Variants in ARHGEF15 observed in about 807,000 individuals in gnomAD.
ARHGEF15 encodes the protein Rho guanine nucleotide exchange factor 15, also known as Rho guanine nucleotide exchange factor (GEF) 15.
ARHGEF15 carries 58 observed loss-of-function variants against 79.7 expected under a neutral mutation model. The observed-to-expected ratio is 0.73, with a 90% CI of 0.59 to 0.91. The LOEUF is 0.91. Among genes scored for constraint, ARHGEF15 ranks in the 40% least tolerant of loss-of-function variants. The pLI is 0.00. For missense variants in ARHGEF15, 1,012 were observed against 1,108.1 expected (o/e 0.91, Z 1.23); for synonymous variants, 442 against 456.0 (o/e 0.97, Z 0.39).
In ARHGEF15 at chr17:8,319,412, G is replaced by A. The variant is rs775526431; in HGVS notation, c.2269+18G>A. ...GGACTGTGGTGAGTATCCCCCTAGAGGGGATGAGGGAAGAAAAAGCGAGTC... is the reference window on the plus strand; with the variant it reads ...GGACTGTGGTGAGTATCCCCCTAGAAGGGATGAGGGAAGAAAAAGCGAGTC... On this transcript the variant is annotated intron_variant, in intron 14 of 15. Transcript: ENST00000361926. 1 of 1,605,100 alleles carries A rather than the reference G, an allele frequency of 6.2e-7. No homozygotes were observed. Among genetic ancestry groups the A allele is most frequent in the South Asian group, 1.1e-5 (1 of 89,826 alleles).
chr17:8,312,707 A>T (rs1446515512), intron 2 of ARHGEF15, 67 bp downstream of exon 2: 2 of 1,607,812 alleles, frequency 1.2e-6, no homozygotes, highest in African/African-American at 2.7e-5. Context: ...TTCAGTGCTA[A>T]CAACTTTCAG....
In ARHGEF15 at chr17:8,312,288, C is replaced by T. The variant is rs1305494302; in HGVS notation, c.249C>T (p.Ala83=). 6.6e-7 allele frequency: 1 copy of T among 1,526,166 alleles called. No homozygotes were observed. The allele number at this position is 1,526,166 out of a possible 1,614,324, so 94.5% of individuals were successfully genotyped here. The change falls in exon 2 of 16, where the codon GCC becomes GCT. Residue 83 remains alanine (A), a synonymous_variant. Coordinates refer to ENST00000361926, the MANE Select transcript of ARHGEF15 (RefSeq NM_173728.4). ...PALLPPSASR[A]SLDSQTSPDS... is the part of the protein sequence containing the mutation. Reference sequence around the variant, plus strand: ...TTTTGCCCCCCTCAGCTTCTAGAGCCAGCCTCGACTCCCAGACTTCCCCAG... The same window carrying T: ...TTTTGCCCCCCTCAGCTTCTAGAGCTAGCCTCGACTCCCAGACTTCCCCAG...
At position 8,315,643 on chromosome 17, in the gene ARHGEF15, G is replaced by A. The variant is rs562781845; in HGVS notation, c.1421+69G>A. 4 of 1,594,872 alleles carry A rather than the reference G, an allele frequency of 2.5e-6. No homozygotes were observed. Reference sequence around the variant, plus strand: ...CTGGGCACGCCCTTTCCTCTCTCCCGGGCCCAGGTCCTTCCTTCTACGGAC... The same window carrying A: ...CTGGGCACGCCCTTTCCTCTCTCCCAGGCCCAGGTCCTTCCTTCTACGGAC... On this transcript the variant is annotated intron_variant, in intron 7 of 15. Coordinates refer to ENST00000361926, the MANE Select transcript of ARHGEF15 (RefSeq NM_173728.4). This position sits in a 1 kb window ranked among gnomAD's most constrained non-coding sequence, Gnocchi z 4.3.
chr17:8,312,267 G>A lies in ARHGEF15; in HGVS notation c.228G>A (p.Leu76=). The part of the protein sequence containing the change: ...PAASLKPPAL[L]PPSASRASLD... ...CATCCCTCAAGCCCCCTGCTCTTTT[G>A]CCCCCCTCAGCTTCTAGAGCCAGCC... The change falls in exon 2 of 16, where the codon TTG becomes TTA. Residue 76 remains leucine (L), a synonymous_variant. Transcript: ENST00000361926. 1 of 1,519,392 alleles carries A rather than the reference G, an allele frequency of 6.6e-7. No homozygotes were observed. The highest frequency in any genetic ancestry group is 8.8e-7 in the Non-Finnish European group (1 of 1,136,970). 94.1% of individuals were successfully genotyped at this position (1,519,392 alleles called of 1,614,324 possible).
At chr17:8,317,103 C>G (rs369600619) in intron 9 of ARHGEF15, among the ~76,000 whole-genome samples, 2 of 152,022 alleles carry the variant, frequency 1.3e-5, no homozygotes, top group African/African-American at 4.8e-5. Context: ...TCTTCTATAG[C>G]AAAGCAGAGA....
At position 8,320,866 on chromosome 17, in the gene ARHGEF15, C is replaced by A. The variant is rs1905338223; in HGVS notation, c.2399C>A (p.Ala800Asp). The A allele has an allele frequency of 6.2e-7, 1 of 1,612,978 alleles. No individual in the cohort carries two copies. The highest frequency in any genetic ancestry group is 1.7e-5 in the Admixed American group (1 of 59,984). Residue 800 changes from alanine (A) to aspartate (D), a missense_variant, in exon 16 of 16, where the codon GCC becomes GAC. Physicochemically the swap from Ala to Asp is moderately radical, Grantham distance 126 (BLOSUM62 -2). Transcript: ENST00000361926. ...PEGWLKGLPG[A>D]FPAQLVCEVT... ...GGTTGGCTGAAGGGGCTTCCTGGGGCCTTCCCTGCCCAGCTGGTGTGTGAA... is the reference window on the plus strand; with the variant it reads ...GGTTGGCTGAAGGGGCTTCCTGGGGACTTCCCTGCCCAGCTGGTGTGTGAA...
intron 1 of ARHGEF15, among the ~76,000 whole-genome samples, chr17:8,311,587 C>T (rs1456485991): frequency 6.6e-6 from 1 of 152,000 alleles, no homozygotes; most frequent in Admixed American, 6.5e-5. Flanking sequence ...CAGGCGCGCC[C>T]ACGGCACCCA....
At position 8,315,211 on chromosome 17, in the gene ARHGEF15, GC is replaced by G; in HGVS notation, c.1195del (p.Leu399PhefsTer28). Reference protein sequence around the residue: ...PGPRNTLWQELPAVQASGLLD... With the variant: ...PGPRNTLWQEXPAVQASGLLD... The stretch of plus-strand genomic sequence containing the variant: ...GACCTCGCAACACCCTGTGGCAGGA[GC>G]TTCCGGCTGTGCAAGCCAGCGGTCT... On this transcript the variant is annotated frameshift_variant, in exon 6 of 16. Transcript: ENST00000361926. LOFTEE classifies it high-confidence loss of function. This position sits in a 1 kb window ranked among gnomAD's most constrained non-coding sequence, Gnocchi z 4.3. 6.2e-7 allele frequency: 1 copy of G among 1,613,802 alleles called. No homozygotes were observed. Among genetic ancestry groups the G allele is most frequent in the South Asian group, 1.1e-5 (1 of 91,090 alleles).
chr17:8,315,285 C>G lies in ARHGEF15; in HGVS notation c.1260+8C>G, dbSNP rs73975818. ...GAGAGGCGCATGCAGGAGGTGGGAG[C>G]TGGAGGTGGGAGATGGGAGGGGGGT... On this transcript the variant is annotated splice_region_variant and intron_variant, in intron 6 of 15. Transcript: ENST00000361926. This position sits in a 1 kb window ranked among gnomAD's most constrained non-coding sequence, Gnocchi z 4.3. The G allele has an allele frequency of 1.8e-4, 293 of 1,612,240 alleles. No homozygotes were observed. The African/African-American group carries it at 3.6e-3, about 20-fold the overall frequency.
Position 8,320,945 on chromosome 17 carries a change from C to T in ARHGEF15, c.2478C>T (p.Leu826=), listed in dbSNP as rs201613571. Residue 826 remains leucine, a synonymous_variant, in exon 16 of 16, where the codon CTC becomes CTT. Coordinates refer to ENST00000361926, the MANE Select transcript of ARHGEF15 (RefSeq NM_173728.4). The part of the protein sequence containing the change: ...RRHLRQNQRL[L]EAVGSSSGTP... ...ACCTTCGCCAGAACCAGAGGCTTCT[C>T]GAGGCTGTTGGATCTTCTTCAGGCA... 20 of 1,613,898 alleles carry T rather than the reference C, an allele frequency of 1.2e-5. No homozygotes were observed. Among genetic ancestry groups the T allele is most frequent in the South Asian group, 2.2e-5 (2 of 91,084 alleles).
chr17:8,312,374 CT>C lies in ARHGEF15; in HGVS notation c.336del (p.Ala113LeufsTer69). The C allele has an allele frequency of 6.2e-7, 1 of 1,607,816 alleles. No individual in the cohort carries two copies. Among genetic ancestry groups the C allele is most frequent in the Non-Finnish European group, 8.5e-7 (1 of 1,177,006 alleles). ...TCCCGGCGCTCCGCCTCCCCAGAAC[CT>C]GCTCCCCGGTCTCCAGTCCCCCCAC... Reference protein sequence around the residue: ...PVSRRSASPEPAPRSPVPPPK... With the variant: ...PVSRRSASPEXAPRSPVPPPK... On this transcript the variant is annotated frameshift_variant, in exon 2 of 16. Coordinates refer to ENST00000361926, the MANE Select transcript of ARHGEF15 (RefSeq NM_173728.4). LOFTEE classifies it high-confidence loss of function.
In ARHGEF15 at chr17:8,318,432, G is replaced by T. The variant is rs1490899088; in HGVS notation, c.1750G>T (p.Ala584Ser). Residue 584 changes from alanine to serine, a missense_variant, in exon 10 of 16, where the codon GCC becomes TCC. This residue lies in a region of ARHGEF15 where 818 missense variants were observed against 882.5 expected (regional missense o/e 0.93). Transcript: ENST00000361926. This position sits in a 1 kb window ranked among gnomAD's most constrained non-coding sequence, Gnocchi z 5.0. ...TEEGSSRQEN[A>S]QKALGAVSKI... is the part of the protein sequence containing the mutation. ...AGAGGGGTCCAGCCGTCAGGAGAATGCCCAGAAGGCCCTGGGTGCTGTCAG... is the reference window on the plus strand; with the variant it reads ...AGAGGGGTCCAGCCGTCAGGAGAATTCCCAGAAGGCCCTGGGTGCTGTCAG... The T allele has an allele frequency of 3.1e-6, 5 of 1,614,120 alleles. No homozygotes were observed. The highest frequency in any genetic ancestry group is 4.2e-6 in the Non-Finnish European group (5 of 1,180,020).
chr17:8,312,680 C>T (rs1904726424), intron 2 of ARHGEF15, 40 bp downstream of exon 2: 4 of 1,610,602 alleles, frequency 2.5e-6, no homozygotes, highest in Non-Finnish European at 3.4e-6. Context: ...GACCTCAATC[C>T]ACCCATCTTC....
chr17:8,318,320 C>T lies in ARHGEF15; in HGVS notation c.1705-67C>T, dbSNP rs1905156815. 1 of 1,481,684 alleles carries T rather than the reference C, an allele frequency of 6.7e-7. No homozygotes were observed. The highest frequency in any genetic ancestry group is 1.4e-5 in the African/African-American group (1 of 71,504). The allele number at this position is 1,481,684 out of a possible 1,614,324, so 91.8% of individuals were successfully genotyped here. A position where few individuals can be genotyped will look rare whatever the true frequency, so the allele number is the denominator to read the frequency against. ...GCTGAAACAGACAGGGTCCTCTGAG[C>T]TGTGGCCCCTCTGAATCCCAGGGCC... On this transcript the variant is annotated intron_variant, in intron 9 of 15. Coordinates refer to ENST00000361926, the MANE Select transcript of ARHGEF15 (RefSeq NM_173728.4). The surrounding 1 kb of genome is among the most constrained non-coding windows in gnomAD (Gnocchi z 5.0).
Position 8,312,152 on chromosome 17 carries a change from A to G in ARHGEF15, c.113A>G (p.His38Arg), listed in dbSNP as rs2151634782. The change falls in exon 2 of 16, where the codon CAC (histidine) becomes CGC (arginine). Residue 38 changes from histidine (H) to arginine (R), a missense_variant. Coordinates refer to ENST00000361926, the MANE Select transcript of ARHGEF15 (RefSeq NM_173728.4). ...SRAAQSPGPPHNGSSPQELPR... is the reference protein window; with the variant it reads ...SRAAQSPGPPRNGSSPQELPR... ...GCTGCCCAGTCCCCAGGGCCTCCCC[A>G]CAATGGCTCCTCTCCACAAGAACTA... 2.1e-6 allele frequency: 3 copies of G among 1,407,642 alleles called. No homozygotes were observed. The highest frequency in any genetic ancestry group is 2.8e-6 in the Non-Finnish European group (3 of 1,059,232). 87.2% of individuals were successfully genotyped at this position (1,407,642 alleles called of 1,614,324 possible).
At chr17:8,311,057 A>G (rs1457910239) in intron 1 of ARHGEF15, among the ~76,000 whole-genome samples, 3 of 143,712 alleles carry the variant, frequency 2.1e-5, no homozygotes, top group African/African-American at 8.0e-5. Flanking sequence ...GAGCTGCAAG[A>G]CCCATCATCT....
intron 3 of ARHGEF15, 118 bp from the exon 4 acceptor site, chr17:8,313,383 C>G: frequency 2.0e-6 from 3 of 1,496,032 alleles, no homozygotes; most frequent in Non-Finnish European, 2.7e-6. Flanking sequence ...AGCTGCTGCT[C>G]TGGTGCTGAA....
chr17:8,312,458 A>T lies in ARHGEF15; in HGVS notation c.419A>T (p.Gln140Leu). ...PLLPMAGVLAQNGSASAPGTV... is the reference protein window; with the variant it reads ...PLLPMAGVLALNGSASAPGTV... ...CTCCCCATGGCTGGAGTCCTGGCTC[A>T]GAATGGCTCTGCCTCAGCTCCTGGC... The change falls in exon 2 of 16, where the codon CAG becomes CTG. Residue 140 changes from glutamine to leucine, a missense_variant. By Grantham distance (113) the Gln-to-Leu change is moderately radical. Coordinates refer to ENST00000361926, the MANE Select transcript of ARHGEF15 (RefSeq NM_173728.4). The T allele has an allele frequency of 6.2e-7, 1 of 1,613,864 alleles. No individual in the cohort carries two copies. The highest frequency in any genetic ancestry group is 1.7e-5 in the Admixed American group (1 of 60,020).
At position 8,315,588 on chromosome 17, in the gene ARHGEF15, C is replaced by T; in HGVS notation, c.1421+14C>T. ...AGTCAGCGAGCGGTCAGTGGCTTTCCGTCCTTCCAGGGAACCTGCCCTTAG... is the reference window on the plus strand; with the variant it reads ...AGTCAGCGAGCGGTCAGTGGCTTTCTGTCCTTCCAGGGAACCTGCCCTTAG... On this transcript the variant is annotated intron_variant, in intron 7 of 15. Transcript: ENST00000361926. This position sits in a 1 kb window ranked among gnomAD's most constrained non-coding sequence, Gnocchi z 4.3. 1 of 1,606,300 alleles carries T rather than the reference C, an allele frequency of 6.2e-7. No homozygotes were observed. Among genetic ancestry groups the T allele is most frequent in the Non-Finnish European group, 8.5e-7 (1 of 1,179,858 alleles).
Sources: gnomAD v4.1 joint callset for allele counts (sites outside exome capture counted in the v4.1 genomes callset) on GRCh38, gnomAD v4.1.1 for gene constraint, gnomAD v4.1.1 regional missense constraint, Gnocchi (gnomAD v3.1) non-coding constraint, MANE v1.5 for transcripts, NCBI Gene and HGNC (gene_info 2026-07-23, HGNC 2026-07-21) for gene names.